GLIS3: variants seen among roughly 807,000 people sequenced by gnomAD.
GLIS3 encodes the protein zinc finger protein GLIS3.
GLIS3 carries 53 observed loss-of-function variants against 78.6 expected under a neutral mutation model. The observed-to-expected ratio is 0.67, with a 90% CI of 0.54 to 0.85. The LOEUF is 0.85. GLIS3 is among the 40% of genes least tolerant of loss of function. The probability of loss-of-function intolerance (pLI) is 0.00; values close to 1 mark genes in which losing one functional copy is unlikely to be tolerated. For synonymous variants in GLIS3, 684 were observed against 509.9 expected, an observed-to-expected ratio of 1.34 and a Z score of -4.60; for missense variants, 1,703 against 1,231.1, an observed-to-expected ratio of 1.38 and a Z score of -5.74.
the GLIS3 span, among the ~76,000 whole-genome samples, chr9:4,364,943 C>G: frequency 6.6e-6 from 1 of 151,840 alleles, no homozygotes; most frequent in African/African-American, 2.4e-5. Context: ...GCTACTGCAC[C>G]TGGCATTTGT....
At chr9:4,154,936 T>C (rs1292524530) in intron 2 of GLIS3, among the ~76,000 whole-genome samples, 2 of 152,340 alleles carry the variant, frequency 1.3e-5, no homozygotes, top group East Asian at 3.9e-4. Context: ...AAAAAATGTC[T>C]GCTGCACTTA....
the GLIS3 span, among the ~76,000 whole-genome samples, chr9:4,361,105 C>T: frequency 6.6e-6 from 1 of 152,158 alleles, no homozygotes; most frequent in Non-Finnish European, 1.5e-5. Context: ...ACCTTTGGTC[C>T]CTACTTTAGG....
intron 4 of GLIS3, among the ~76,000 whole-genome samples, chr9:4,307,734 A>G (rs1454180248): frequency 1.3e-5 from 2 of 152,122 alleles, no homozygotes; most frequent in African/African-American, 4.8e-5. Flanking sequence ...GCATAGAGAA[A>G]CTATGTTACC....
intron 2 of GLIS3, among the ~76,000 whole-genome samples, chr9:4,281,105 A>T (rs1309747844): frequency 1.3e-5 from 2 of 152,200 alleles, no homozygotes; most frequent in East Asian, 1.9e-4. Context: ...AATACAAATA[A>T]ATTAAAAGAA....
intron 6 of GLIS3, 61 bp downstream of exon 6, chr9:3,932,299 T>A (rs552725757): frequency 7.8e-7 from 1 of 1,289,124 alleles, no homozygotes; most frequent in South Asian, 1.2e-5. Context: ...AGAAGCTTCG[T>A]GTACTACAAG....
intron 2 of GLIS3, among the ~76,000 whole-genome samples, chr9:4,333,399 G>A (rs1817712953): frequency 1.3e-5 from 2 of 151,704 alleles, no homozygotes; most frequent in African/African-American, 2.4e-5. Flanking sequence ...GGGAAAGAAA[G>A]AAAGAAACTA....
At chr9:4,268,195 C>T (rs541393401) in intron 2 of GLIS3, among the ~76,000 whole-genome samples, 20 of 151,882 alleles carry the variant, frequency 1.3e-4, no homozygotes, top group Middle Eastern at 3.2e-3. Flanking sequence ...TCAGTTACAC[C>T]TTAGTTTTTT....
At chr9:4,158,844 G>T (rs1241956392) in intron 2 of GLIS3, among the ~76,000 whole-genome samples, 1 of 152,128 alleles carries the variant, frequency 6.6e-6, no homozygotes, top group Non-Finnish European at 1.5e-5. Context: ...AAATAGATGA[G>T]ATGGGAGGCT....
At chr9:4,316,715 C>A (rs966199156) in intron 2 of GLIS3, among the ~76,000 whole-genome samples, 1 of 152,120 alleles carries the variant, frequency 6.6e-6, no homozygotes, top group Admixed American at 6.6e-5. Flanking sequence ...CTGCCTTGCC[C>A]CCTGAGCTGC....
the GLIS3 span, among the ~76,000 whole-genome samples, chr9:4,414,332 C>G: frequency 6.6e-6 from 1 of 152,182 alleles, no homozygotes; most frequent in African/African-American, 2.4e-5. Flanking sequence ...TTTTTAAGCA[C>G]TTCAGAGAAA....
In GLIS3 at chr9:4,211,718, G is replaced by T. The variant is rs534998481; in HGVS notation, c.388+74320C>A. On this transcript the variant is annotated intron_variant, in intron 2 of 10. Transcript: ENST00000381971. ...TCCTTCTACTGAAAGACTTGTATGT[G>T]AATGTTCATAGCAGCACTGTTCATA... 3.3e-5 allele frequency among the ~76,000 whole-genome samples: 5 copies of T among 152,328 alleles called. No individual in the cohort carries two copies. In the South Asian group the frequency reaches 1.0e-3, roughly 32 times the overall value.
the GLIS3 span, among the ~76,000 whole-genome samples, chr9:4,470,400 T>A: frequency 1.3e-5 from 2 of 152,158 alleles, no homozygotes; most frequent in Non-Finnish European, 1.5e-5. Context: ...AAAAAGCTTA[T>A]CCACCACGAT....
chr9:4,474,631 T>C, the GLIS3 span, among the ~76,000 whole-genome samples: 2 of 152,072 alleles, frequency 1.3e-5, no homozygotes, highest in Non-Finnish European at 2.9e-5. Context: ...TTCATACCTT[T>C]GGAGTAAGCA....
intron 2 of GLIS3, among the ~76,000 whole-genome samples, chr9:4,152,875 T>C (rs10118636): frequency 0.25 from 38,470 of 152,126 alleles, 6,745 homozygotes; most frequent in African/African-American, 0.5. Context: ...AACATAGATA[T>C]GTAAATGTTT....
intron 4 of GLIS3, among the ~76,000 whole-genome samples, chr9:4,046,007 C>T (rs1825220148): frequency 6.6e-6 from 1 of 152,132 alleles, no homozygotes; most frequent in Non-Finnish European, 1.5e-5. Context: ...ACAAAAAGTG[C>T]AACTGCCAGG....
chr9:4,451,559 C>T, the GLIS3 span, among the ~76,000 whole-genome samples: 834 of 152,312 alleles, frequency 5.5e-3, 8 homozygotes, highest in African/African-American at 0.019. Context: ...CTTCTCAGCA[C>T]TACATCGCAC....
At chr9:4,092,201 G>C (rs1475929059) in intron 4 of GLIS3, among the ~76,000 whole-genome samples, 2 of 149,510 alleles carry the variant, frequency 1.3e-5, no homozygotes, top group Non-Finnish European at 3.0e-5. Flanking sequence ...GCTCAGACTG[G>C]AGTGGAGTGG....
At chr9:4,230,263 G>C (rs1425894890) in intron 2 of GLIS3, among the ~76,000 whole-genome samples, 2 of 152,176 alleles carry the variant, frequency 1.3e-5, no homozygotes, top group African/African-American at 4.8e-5. Flanking sequence ...GAAAGAAACA[G>C]AAATAAAGAA....
chr9:4,329,348 G>C (rs1001283704), intron 2 of GLIS3, among the ~76,000 whole-genome samples: 1 of 152,076 alleles, frequency 6.6e-6, no homozygotes, highest in Admixed American at 6.5e-5. Context: ...GATAATTAAT[G>C]TTTTCATTTT....
Sources: gnomAD v4.1 joint callset for allele counts (sites outside exome capture counted in the v4.1 genomes callset) on GRCh38, gnomAD v4.1.1 for gene constraint, MANE v1.5 for transcripts, NCBI Gene and HGNC (gene_info 2026-07-23, HGNC 2026-07-21) for gene names.